The following GRID2 variants were observed in gnomAD, a reference collection of about 807,000 sequenced individuals.
The protein encoded by GRID2 is glutamate ionotropic receptor delta type subunit 2, also known as glutamate receptor ionotropic, delta-2.
A neutral mutation model predicts 114.8 loss-of-function variants in GRID2; 33 were observed. The observed-to-expected ratio is 0.29, with a 90% CI of 0.22 to 0.38. The LOEUF (loss-of-function observed/expected upper bound fraction) is 0.38, where lower values mean the gene tolerates loss of function less well. Ranked by LOEUF, GRID2 falls within the 10% of genes least tolerant of loss-of-function variation. The pLI, the probability that GRID2 is intolerant of heterozygous loss-of-function variation, is 1.00. For synonymous variants in GRID2, 505 were observed against 449.9 expected (o/e 1.12, Z -1.55); for missense variants, 1,184 against 1,257.7 (o/e 0.94, Z 0.89).
intron 2 of GRID2, among the ~76,000 whole-genome samples, chr4:92,596,283 C>T (rs1223039361): frequency 6.6e-6 from 1 of 151,944 alleles, no homozygotes; most frequent in African/African-American, 2.4e-5. Flanking sequence ...GTTTTCATTC[C>T]TACTTTCCTT....
At chr4:92,713,476 CATATATATAT>C (rs10593127) in intron 2 of GRID2, among the ~76,000 whole-genome samples, 2,938 of 54,038 alleles carry the variant, frequency 0.054, 81 homozygotes, top group Admixed American at 0.11. Flanking sequence ...TATACATATA[CATATATATAT>C]ATATATATAT....
At chr4:92,647,247 T>A (rs1171415151) in intron 2 of GRID2, among the ~76,000 whole-genome samples, 1 of 152,190 alleles carries the variant, frequency 6.6e-6, no homozygotes, top group Non-Finnish European at 1.5e-5. Context: ...TTGTAAAGTG[T>A]TTGGAATGGT....
At chr4:93,016,388 C>T (rs541632368) in intron 2 of GRID2, among the ~76,000 whole-genome samples, 19 of 152,142 alleles carry the variant, frequency 1.2e-4, no homozygotes, top group Non-Finnish European at 2.1e-4. Flanking sequence ...CTATTTTAAG[C>T]GCTTTCTGTA....
chr4:93,241,629 C>T (rs568431113), intron 8 of GRID2, among the ~76,000 whole-genome samples: 66 of 151,780 alleles, frequency 4.3e-4, no homozygotes, highest in Admixed American at 9.2e-4. Flanking sequence ...GCTGTCCTTT[C>T]TGTTGGATTT....
At chr4:93,031,826 G>T (rs1724468696) in intron 2 of GRID2, among the ~76,000 whole-genome samples, 1 of 151,858 alleles carries the variant, frequency 6.6e-6, no homozygotes, top group African/African-American at 2.4e-5. Context: ...GTAGGGTAAG[G>T]TTGTACCAAC....
At chr4:93,029,840 A>C (rs1308631166) in intron 2 of GRID2, among the ~76,000 whole-genome samples, 2 of 152,222 alleles carry the variant, frequency 1.3e-5, no homozygotes, top group Non-Finnish European at 1.5e-5. Context: ...TCAAAAGAAA[A>C]TGTTTAGGTA....
At chr4:93,633,728 A>G (rs1049152041) in intron 14 of GRID2, among the ~76,000 whole-genome samples, 2 of 152,176 alleles carry the variant, frequency 1.3e-5, no homozygotes, top group Non-Finnish European at 2.9e-5. Context: ...AAAAGAAAAC[A>G]AACACAGCAC....
intron 2 of GRID2, among the ~76,000 whole-genome samples, chr4:92,703,631 A>ATG (rs1734792161): frequency 6.7e-6 from 1 of 148,234 alleles, no homozygotes; most frequent in African/African-American, 2.5e-5. Flanking sequence ...ATATATATAT[A>ATG]TATATATATA....
rs1725944968 is a variant in GRID2, at chr4:93,044,595, A to G, written c.245-40400A>G. Among the ~76,000 whole-genome samples the G allele has an allele frequency of 2.0e-5, 3 of 152,156 alleles. No individual in the cohort carries two copies. The South Asian group carries it at 6.2e-4, about 31-fold the overall frequency. ...ATTAATGTTGAAAAATCAAAGAGAA[A>G]ATAGGAGATTTTGTTATTGTTGCTT... On this transcript the variant is annotated intron_variant, in intron 2 of 15. Transcript: ENST00000282020.
chr4:92,725,466 T>C (rs1487284903), intron 2 of GRID2, among the ~76,000 whole-genome samples: 1 of 152,166 alleles, frequency 6.6e-6, no homozygotes, highest in African/African-American at 2.4e-5. Flanking sequence ...TTAACTACTA[T>C]ATCTAGGTAT....
At chr4:92,808,934 T>C (rs977973195) in intron 2 of GRID2, among the ~76,000 whole-genome samples, 2 of 151,906 alleles carry the variant, frequency 1.3e-5, no homozygotes, top group African/African-American at 2.4e-5. Flanking sequence ...ATATCCTAGA[T>C]GAGAGCATTT....
intron 2 of GRID2, among the ~76,000 whole-genome samples, chr4:93,054,089 A>G (rs969440053): frequency 2.6e-5 from 4 of 151,964 alleles, no homozygotes; most frequent in African/African-American, 9.7e-5. Flanking sequence ...TTTATGTTAT[A>G]CAGAATAAAT....
At chr4:93,536,955 T>G (rs1411543742) in intron 13 of GRID2, among the ~76,000 whole-genome samples, 1 of 151,686 alleles carries the variant, frequency 6.6e-6, no homozygotes, top group Non-Finnish European at 1.5e-5. Flanking sequence ...GTGACATACC[T>G]CGCATTGTTA....
chr4:93,644,430 G>A lies in GRID2; in HGVS notation c.2360+17995G>A, dbSNP rs547466547. On this transcript the variant is annotated intron_variant, in intron 14 of 15. Transcript: ENST00000282020. ...AGGAACTGGCACGCTAAAAAAAATC[G>A]TGAGATTTCTACTCTGTAAGGTTTT... Among the ~76,000 whole-genome samples the A allele has an allele frequency of 1.2e-4, 18 of 152,190 alleles. No individual in the cohort carries two copies. The South Asian group carries it at 2.7e-3, about 23-fold the overall frequency.
intron 1 of GRID2, among the ~76,000 whole-genome samples, chr4:92,433,655 C>T (rs958327642): frequency 6.6e-6 from 1 of 152,158 alleles, no homozygotes; most frequent in Non-Finnish European, 1.5e-5. Flanking sequence ...CCTTCAGTGC[C>T]TCTGTCCTCA....
chr4:93,050,977 C>T (rs1300160743), intron 2 of GRID2, among the ~76,000 whole-genome samples: 3 of 151,948 alleles, frequency 2.0e-5, no homozygotes. Flanking sequence ...TTTTTAAATG[C>T]TGAATATAAA....
intron 1 of GRID2, among the ~76,000 whole-genome samples, chr4:92,567,289 A>G (rs1579594091): frequency 6.6e-6 from 1 of 152,070 alleles, no homozygotes; most frequent in East Asian, 1.9e-4. Flanking sequence ...ATTCTTCTCA[A>G]ATAATAGAAT....
intron 13 of GRID2, among the ~76,000 whole-genome samples, chr4:93,531,439 G>A (rs764916681): frequency 6.6e-6 from 1 of 151,786 alleles, no homozygotes; most frequent in Non-Finnish European, 1.5e-5. Context: ...TACTGAGTTT[G>A]GTGCACCCTT....
intron 1 of GRID2, among the ~76,000 whole-genome samples, chr4:92,541,467 T>A (rs1192571578): frequency 1.3e-5 from 2 of 149,826 alleles, no homozygotes; most frequent in African/African-American, 4.9e-5. Context: ...ACCATATTAA[T>A]CTTATCTCAA....
Sources: gnomAD v4.1 joint callset for allele counts (sites outside exome capture counted in the v4.1 genomes callset) on GRCh38, gnomAD v4.1.1 for gene constraint, MANE v1.5 for transcripts, NCBI Gene and HGNC (gene_info 2026-07-23, HGNC 2026-07-21) for gene names.